Variants in C12orf42 observed in about 807,000 individuals in gnomAD.
The protein encoded by C12orf42 is chromosome 12 open reading frame 42, also known as uncharacterized protein C12orf42.
A neutral mutation model predicts 21.6 loss-of-function variants in C12orf42; 25 were observed. The ratio of observed to expected loss-of-function variants is 1.16; its 90% CI spans 0.84 to 1.62. The LOEUF (loss-of-function observed/expected upper bound fraction) is 1.62, where lower values mean the gene tolerates loss of function less well. Ranked by LOEUF, C12orf42 falls within the 40% of genes most tolerant of loss-of-function variation. The pLI is 0.00. For synonymous variants in C12orf42, 174 were observed against 175.0 expected, an observed-to-expected ratio of 0.99 and a Z score of 0.05; for missense variants, 483 against 459.3, an observed-to-expected ratio of 1.05 and a Z score of -0.47.
At chr12:103,289,010 G>A (rs1258654342) in intron 4 of C12orf42, among the ~76,000 whole-genome samples, 1 of 152,104 alleles carries the variant, frequency 6.6e-6, no homozygotes, top group African/African-American at 2.4e-5. Flanking sequence ...ATTGGAACAA[G>A]GTGTTAGGCA....
intron 10 of C12orf42, among the ~76,000 whole-genome samples, chr12:103,247,676 G>A (rs1416406756): frequency 6.6e-6 from 1 of 151,884 alleles, no homozygotes; most frequent in African/African-American, 2.4e-5. Context: ...CATTGCCTTT[G>A]GTATGGGACT....
Position 103,435,539 on chromosome 12 carries a change from T to A in C12orf42, c.79-33864A>T, listed in dbSNP as rs542433111. Reference sequence around the variant, plus strand: ...AATAATGTATAACTAGAATAACCAATACAGAGAAGTGCTTAAAGGAGGTGA... The same window carrying A: ...AATAATGTATAACTAGAATAACCAAAACAGAGAAGTGCTTAAAGGAGGTGA... On this transcript the variant is annotated intron_variant, in intron 2 of 5. Coordinates refer to ENST00000548883, the MANE Select transcript of C12orf42 (RefSeq NM_198521.5). 5.5e-3 allele frequency among the ~76,000 whole-genome samples: 834 copies of A among 151,912 alleles called. 9 individuals carry two copies. The highest frequency in any genetic ancestry group is 0.019 in the African/African-American group (787 of 41,406).
At chr12:103,098,861 G>A in the C12orf42 span, among the ~76,000 whole-genome samples, 1 of 152,204 alleles carries the variant, frequency 6.6e-6, no homozygotes, top group African/African-American at 2.4e-5. Flanking sequence ...ACATATTCAT[G>A]GAATGAATAA....
downstream of C12orf42, among the ~76,000 whole-genome samples, chr12:103,265,493 AAAAAT>A (rs539258656): frequency 4.5e-4 from 68 of 152,312 alleles, no homozygotes; most frequent in African/African-American, 1.5e-3. Context: ...GTAATAAAAT[AAAAAT>A]AATATTTTAA....
chr12:103,418,548 A>C (rs977908889), intron 2 of C12orf42, among the ~76,000 whole-genome samples: 2 of 152,160 alleles, frequency 1.3e-5, no homozygotes, highest in African/African-American at 4.8e-5. Context: ...GTATGTGAAT[A>C]AACACAATAC....
intron 4 of C12orf42, among the ~76,000 whole-genome samples, chr12:103,319,145 G>A (rs1028431945): frequency 2.6e-5 from 4 of 152,196 alleles, no homozygotes; most frequent in East Asian, 1.9e-4. Flanking sequence ...ATTAAAATTC[G>A]AAGGGCTGTA....
At chr12:103,196,690 T>A in the C12orf42 span, among the ~76,000 whole-genome samples, 1 of 152,188 alleles carries the variant, frequency 6.6e-6, no homozygotes, top group African/African-American at 2.4e-5. Context: ...TTTGTCCTTT[T>A]AAGTCATTGT....
the C12orf42 span, among the ~76,000 whole-genome samples, chr12:103,512,221 T>G: frequency 6.6e-6 from 1 of 152,168 alleles, no homozygotes; most frequent in Non-Finnish European, 1.5e-5. Flanking sequence ...AACTATTGCA[T>G]GTTCTCACTC....
intron 3 of C12orf42, among the ~76,000 whole-genome samples, chr12:103,383,952 T>C (rs1257912912): frequency 3.3e-5 from 5 of 152,068 alleles, no homozygotes; most frequent in Non-Finnish European, 5.9e-5. Flanking sequence ...ACAAGGAAAA[T>C]CACCCGAAGT....
intron 10 of C12orf42, among the ~76,000 whole-genome samples, chr12:103,262,115 A>G (rs2034927258): frequency 6.6e-6 from 1 of 152,244 alleles, no homozygotes; most frequent in South Asian, 2.1e-4. Context: ...TACTTATCAT[A>G]ATAGTGCTAC....
At chr12:103,278,211 C>CT (rs1044764085) in intron 4 of C12orf42, among the ~76,000 whole-genome samples, 2 of 152,196 alleles carry the variant, frequency 1.3e-5, no homozygotes, top group Admixed American at 6.5e-5. Flanking sequence ...GGGGCTATGT[C>CT]TACCAGATGT....
intron 4 of C12orf42, among the ~76,000 whole-genome samples, chr12:103,281,953 AAG>A (rs1156458524): frequency 6.6e-6 from 1 of 150,602 alleles, no homozygotes; most frequent in Non-Finnish European, 1.5e-5. Context: ...GAAAGAAAGA[AAG>A]AAAGAAAGAG....
At chr12:103,164,466 G>A in the C12orf42 span, 12 of 454,872 alleles carry the variant, frequency 2.6e-5, no homozygotes, top group Admixed American at 1.4e-4. Flanking sequence ...GGTGCTGGAC[G>A]AATGAATTAC....
At chr12:103,056,247 C>G in the C12orf42 span, among the ~76,000 whole-genome samples, 1 of 152,084 alleles carries the variant, frequency 6.6e-6, no homozygotes, top group Admixed American at 6.6e-5. Flanking sequence ...TTTAGGCTTG[C>G]TATGCCATCT....
At chr12:103,495,526 CCG>C (rs1402939744) in intron 1 of C12orf42, among the ~76,000 whole-genome samples, 1 of 152,042 alleles carries the variant, frequency 6.6e-6, no homozygotes, top group Non-Finnish European at 1.5e-5. Flanking sequence ...GCATTGTGGG[CCG>C]CGCTCGCCTC....
the C12orf42 span, among the ~76,000 whole-genome samples, chr12:103,186,163 G>C: frequency 1.2e-4 from 18 of 152,154 alleles, no homozygotes; most frequent in Non-Finnish European, 2.2e-4. Flanking sequence ...GAAGAGAGTA[G>C]GATATAGACT....
chr12:103,294,433 A>AG (rs747446488), intron 4 of C12orf42, among the ~76,000 whole-genome samples: 114 of 79,132 alleles, frequency 1.4e-3, no homozygotes, highest in African/African-American at 3.2e-3. Context: ...AGAGAGAGAA[A>AG]GAAAGAAAGA....
chr12:103,068,117 A>G, the C12orf42 span, among the ~76,000 whole-genome samples: 2 of 152,220 alleles, frequency 1.3e-5, no homozygotes, highest in Non-Finnish European at 2.9e-5. Flanking sequence ...TAGTAGAAGA[A>G]GGTAGTCATC....
chr12:103,339,249 T>C (rs2041971021), intron 4 of C12orf42, among the ~76,000 whole-genome samples: 1 of 152,212 alleles, frequency 6.6e-6, no homozygotes, highest in African/African-American at 2.4e-5. Context: ...TACAGATTTG[T>C]TATGTAAGTA....
Sources: allele counts gnomAD v4.1 joint callset (sites outside exome capture counted in the v4.1 genomes callset), GRCh38; gene constraint gnomAD v4.1.1; transcripts MANE v1.5; gene names NCBI Gene and HGNC (gene_info 2026-07-23, HGNC 2026-07-21).